SHANK2: variants seen among roughly 807,000 people sequenced by gnomAD.
SHANK2 encodes SH3 and multiple ankyrin repeat domains protein 2.
In SHANK2, 43 loss-of-function variants were observed where a neutral mutation model predicts 133.7. The observed-to-expected ratio is 0.32, with a 90% CI of 0.25 to 0.41. The LOEUF (loss-of-function observed/expected upper bound fraction) is 0.41. Ranked by LOEUF, SHANK2 falls within the 10% of genes least tolerant of loss-of-function variation. The pLI is 1.00. For missense variants in SHANK2, 1,994 were observed against 2,235.8 expected, an observed-to-expected ratio of 0.89 and a Z score of 2.18; for synonymous variants, 1,017 against 952.8, an observed-to-expected ratio of 1.07 and a Z score of -1.24.
At chr11:70,889,912 G>A (rs1949813539) in intron 11 of SHANK2, among the ~76,000 whole-genome samples, 2 of 152,192 alleles carry the variant, frequency 1.3e-5, no homozygotes, top group Non-Finnish European at 2.9e-5. Flanking sequence ...CTGGGGCCAG[G>A]ACATGGGGGA....
rs76003279 is a variant in SHANK2 at position 70,875,279 on chromosome 11, C to T, written c.1174+21222G>A. 2.4e-3 allele frequency among the ~76,000 whole-genome samples: 369 copies of T among 152,170 alleles called. 7 individuals carry two copies. The East Asian group carries it at 0.06, about 25-fold the overall frequency. Reference sequence around the variant, plus strand: ...CTGGGGCAGACAGCGTCACTCACTCCGCCCCCAGTAGAGCTCTGCTTTCGG... The same window carrying T: ...CTGGGGCAGACAGCGTCACTCACTCTGCCCCCAGTAGAGCTCTGCTTTCGG... On this transcript the variant is annotated intron_variant, in intron 11 of 25. Coordinates refer to ENST00000601538, the MANE Select transcript of SHANK2 (RefSeq NM_012309.5).
chr11:70,678,013 C>T (rs944907979), intron 15 of SHANK2, among the ~76,000 whole-genome samples: 1 of 152,176 alleles, frequency 6.6e-6, no homozygotes, highest in Non-Finnish European at 1.5e-5. Context: ...GGGCCCCCTC[C>T]AAAGACAAAA....
chr11:71,237,955 G>A lies in SHANK2; in HGVS notation c.-112-13159C>T, dbSNP rs141838481. 8.2e-3 allele frequency among the ~76,000 whole-genome samples: 1,245 copies of A among 152,316 alleles called. 7 individuals carry two copies. Among genetic ancestry groups the A allele is most frequent in the Non-Finnish European group, 0.012 (793 of 68,012 alleles). On this transcript the variant is annotated intron_variant, in intron 1 of 25. Transcript: ENST00000601538. ...GCCCAGCCACCTGGAGTTCCCATGG[G>A]ATAAGGGGGCCCCCTCCCAAGGGGC...
At chr11:70,481,055 T>C (rs1406703080) in intron 25 of SHANK2, among the ~76,000 whole-genome samples, 1 of 152,208 alleles carries the variant, frequency 6.6e-6, no homozygotes, top group Non-Finnish European at 1.5e-5. Flanking sequence ...CCAGTTTCCT[T>C]CACTTTGATC....
chr11:70,608,741 A>G (rs942045110), intron 17 of SHANK2, among the ~76,000 whole-genome samples: 40 of 152,216 alleles, frequency 2.6e-4, no homozygotes, highest in African/African-American at 9.4e-4. Context: ...TCACAGCCGA[A>G]AGCTCGTGCT....
At chr11:70,863,309 C>T (rs782537448) in intron 11 of SHANK2, 14 of 458,060 alleles carry the variant, frequency 3.1e-5, no homozygotes, top group Non-Finnish European at 5.7e-5. Context: ...AGAACCTGAG[C>T]TGATGGCACA....
At chr11:71,235,052 G>A (rs915561659) in intron 1 of SHANK2, among the ~76,000 whole-genome samples, 2 of 152,154 alleles carry the variant, frequency 1.3e-5, no homozygotes, top group Non-Finnish European at 2.9e-5. Context: ...TCCTCTGTGG[G>A]ATAAGAAATA....
intron 10 of SHANK2, among the ~76,000 whole-genome samples, chr11:70,920,823 G>T (rs897392246): frequency 6.6e-6 from 1 of 152,196 alleles, no homozygotes; most frequent in Admixed American, 6.5e-5. Context: ...AAAGTTTTTA[G>T]CATAGCTGAA....
At chr11:70,621,764 A>T (rs141732664) in intron 17 of SHANK2, among the ~76,000 whole-genome samples, 14 of 152,280 alleles carry the variant, frequency 9.2e-5, no homozygotes, top group African/African-American at 3.4e-4. Flanking sequence ...AATGATGGAG[A>T]TACATGGGGA....
chr11:70,717,420 G>A (rs1384429126), intron 14 of SHANK2, among the ~76,000 whole-genome samples: 2 of 152,168 alleles, frequency 1.3e-5, no homozygotes, highest in African/African-American at 4.8e-5. Flanking sequence ...GTTTCCTCCC[G>A]AATGATCTGA....
At chr11:70,628,380 G>A (rs1315423935) in intron 17 of SHANK2, among the ~76,000 whole-genome samples, 2 of 152,148 alleles carry the variant, frequency 1.3e-5, no homozygotes, top group African/African-American at 4.8e-5. Context: ...ACCAAAGTCG[G>A]GGGCGGAGAG....
At chr11:70,706,476 A>T (rs1343988672) in intron 14 of SHANK2, among the ~76,000 whole-genome samples, 1 of 152,124 alleles carries the variant, frequency 6.6e-6, no homozygotes, top group Non-Finnish European at 1.5e-5. Flanking sequence ...GGCAGGGGAC[A>T]CAGCCCTGGC....
At chr11:70,924,211 A>T (rs1555081142) in intron 10 of SHANK2, among the ~76,000 whole-genome samples, 1 of 152,102 alleles carries the variant, frequency 6.6e-6, no homozygotes, top group East Asian at 1.9e-4. Context: ...GTCCCTCCTG[A>T]CGGTACAGAT....
intron 15 of SHANK2, among the ~76,000 whole-genome samples, chr11:70,666,652 T>C (rs1178742720): frequency 6.6e-6 from 1 of 152,174 alleles, no homozygotes; most frequent in East Asian, 1.9e-4. Flanking sequence ...GCAGATGAGA[T>C]GCACTGCAAT....
intron 8 of SHANK2, among the ~76,000 whole-genome samples, chr11:71,076,503 A>AC (rs1388417173): frequency 0.31 from 46,280 of 148,122 alleles, 7,505 homozygotes; most frequent in Non-Finnish European, 0.37. Flanking sequence ...ACAAAACAAA[A>AC]AAAAAACAAA....
At chr11:70,718,538 C>T (rs947855) in intron 14 of SHANK2, among the ~76,000 whole-genome samples, 125,561 of 152,092 alleles carry the variant, frequency 0.83, 52,407 homozygotes, top group African/African-American at 0.96. Flanking sequence ...GTCCACCCTG[C>T]ATCAGGGTCA....
rs1287276968 is a variant in SHANK2 at position 70,891,379 on chromosome 11, G to GT, written c.1174+5121dup. Among the ~76,000 whole-genome samples the GT allele has an allele frequency of 5.3e-5, 8 of 152,218 alleles. No homozygotes were observed. The East Asian group carries it at 1.5e-3, about 29-fold the overall frequency. On this transcript the variant is annotated intron_variant, in intron 11 of 25. Coordinates refer to ENST00000601538, the MANE Select transcript of SHANK2 (RefSeq NM_012309.5). ...TAGCCGGGGGTGGTGGCGGGCGCCC[G>GT]TAGTCCCAGCTACTCCGGAGGCTGA...
At chr11:70,493,845 C>G (rs981639111) in intron 21 of SHANK2, among the ~76,000 whole-genome samples, 3 of 152,196 alleles carry the variant, frequency 2.0e-5, no homozygotes, top group African/African-American at 7.2e-5. Flanking sequence ...GAAGTGTATG[C>G]TAGGGCCTTG....
intron 17 of SHANK2, among the ~76,000 whole-genome samples, chr11:70,584,986 G>A (rs534846780): frequency 2.0e-5 from 3 of 152,348 alleles, no homozygotes; most frequent in Non-Finnish European, 1.5e-5. Flanking sequence ...GAGACGCAGA[G>A]GCCTAAGGGC....
Sources: gnomAD v4.1 joint callset for allele counts (sites outside exome capture counted in the v4.1 genomes callset) on GRCh38, gnomAD v4.1.1 for gene constraint, MANE v1.5 for transcripts, NCBI Gene and HGNC (gene_info 2026-07-23, HGNC 2026-07-21) for gene names.